The following XYLB variants were observed in gnomAD, a reference collection of about 807,000 sequenced individuals.
XYLB encodes xylulokinase.
A neutral mutation model predicts 78.7 loss-of-function variants in XYLB; 62 were observed. The observed-to-expected ratio is 0.79, with a 90% CI of 0.64 to 0.97. XYLB has a LOEUF of 0.97. XYLB is among the 50% of genes least tolerant of loss of function. The probability of loss-of-function intolerance (pLI) is 0.00; values close to 1 mark genes in which losing one functional copy is unlikely to be tolerated. For synonymous variants in XYLB, 245 were observed against 247.4 expected (o/e 0.99, Z 0.09); for missense variants, 687 against 676.8 (o/e 1.02, Z -0.17).
intron 17 of XYLB, among the ~76,000 whole-genome samples, chr3:38,400,226 G>A (rs1708066332): frequency 6.6e-6 from 1 of 152,170 alleles, no homozygotes; most frequent in Non-Finnish European, 1.5e-5. Flanking sequence ...TAGGCACCAT[G>A]GTTATAGTGG....
chr3:38,418,867 A>C (rs1196945684), downstream of XYLB, among the ~76,000 whole-genome samples: 2 of 152,180 alleles, frequency 1.3e-5, no homozygotes, highest in Non-Finnish European at 2.9e-5. Flanking sequence ...TCATTTTTTC[A>C]ATTGTTTTTG....
chr3:38,440,578 G>C, the XYLB span, among the ~76,000 whole-genome samples: 2 of 152,164 alleles, frequency 1.3e-5, no homozygotes, highest in African/African-American at 2.4e-5. Context: ...TTAAGCTTTA[G>C]ATCTCCTGTC....
chr3:38,346,808 G>T lies in XYLB; in HGVS notation c.-61G>T. ...GCGTCTCTGGGCGCTGGAGCGCGGC[G>T]ACTATCACGCCGCGTGGCGGACGGA... On this transcript the variant is annotated 5_prime_UTR_variant, in exon 1 of 19. Transcript: ENST00000207870. 6.9e-7 allele frequency: 1 copy of T among 1,444,246 alleles called. No individual in the cohort carries two copies. The highest frequency in any genetic ancestry group is 9.2e-7 in the Non-Finnish European group (1 of 1,092,502). The allele number at this position is 1,444,246 out of a possible 1,614,324, so 89.5% of individuals were successfully genotyped here. A position where few individuals can be genotyped will look rare whatever the true frequency, so the allele number is the denominator to read the frequency against.
chr3:38,395,419 C>A, intron 15 of XYLB, 86 bp from the exon 16 acceptor site: 1 of 1,260,662 alleles, frequency 7.9e-7, no homozygotes, highest in Non-Finnish European at 1.1e-6. Flanking sequence ...CATGAGCCCT[C>A]TGTAGCTGAA....
intron 2 of XYLB, chr3:38,356,128 G>T: frequency 5.3e-6 from 1 of 189,778 alleles, no homozygotes; most frequent in Admixed American, 5.6e-5. Flanking sequence ...CCGGGCGCCT[G>T]TAGTCCCAGC....
At chr3:38,372,313 T>C (rs567351414) in intron 9 of XYLB, 3 of 860,378 alleles carry the variant, frequency 3.5e-6, no homozygotes, top group East Asian at 1.2e-4. Flanking sequence ...CCTGTTACCT[T>C]TTTTTTTTTA....
the XYLB span, among the ~76,000 whole-genome samples, chr3:38,447,366 C>T: frequency 5.9e-5 from 9 of 152,196 alleles, no homozygotes; most frequent in East Asian, 1.2e-3. Context: ...TGCAGTGTCA[C>T]GATCATGGCT....
rs1490563673 is a variant in XYLB, at chr3:38,374,426, C to T, written c.848-36C>T. ...GGTTTGCTTTGTGGTTCCCATGTGG[C>T]CGCCAGCTAACCAGAAGCTCCCCTC... is the stretch of plus-strand genomic sequence containing the variant. On this transcript the variant is annotated intron_variant, in intron 10 of 18. Coordinates refer to ENST00000207870, the MANE Select transcript of XYLB (RefSeq NM_005108.4). The T allele has an allele frequency of 1.9e-6, 3 of 1,613,818 alleles. No homozygotes were observed. The African/African-American group carries it at 4.0e-5, about 22-fold the overall frequency.
chr3:38,387,096 T>C (rs77897763), intron 15 of XYLB, among the ~76,000 whole-genome samples: 3,536 of 152,316 alleles, frequency 0.023, 147 homozygotes, highest in African/African-American at 0.08. Flanking sequence ...GATTATGATA[T>C]ACCTAAGTAA....
chr3:38,368,126 A>G, intron 7 of XYLB, 59 bp from the exon 8 acceptor site: 3 of 1,536,964 alleles, frequency 2.0e-6, no homozygotes, highest in Non-Finnish European at 2.7e-6. Context: ...TGTCAGAAGC[A>G]TTCAGTAGCG....
downstream of XYLB, among the ~76,000 whole-genome samples, chr3:38,422,524 C>G (rs575291807): frequency 1.3e-5 from 2 of 152,346 alleles, no homozygotes; most frequent in East Asian, 3.9e-4. Flanking sequence ...CTCTACAGCA[C>G]TGGCCGTCTG....
At chr3:38,406,531 A>T (rs1195209401) in intron 18 of XYLB, among the ~76,000 whole-genome samples, 1 of 152,248 alleles carries the variant, frequency 6.6e-6, no homozygotes, top group Non-Finnish European at 1.5e-5. Context: ...ACAAAGCTGG[A>T]TGGAGAATGA....
intron 15 of XYLB, 30 bp downstream of exon 15, chr3:38,379,372 G>A (rs374865442): frequency 8.4e-5 from 136 of 1,610,582 alleles, no homozygotes; most frequent in Non-Finnish European, 1.1e-4. Flanking sequence ...CATGTGTCCC[G>A]GGGTGGGGGC....
the XYLB span, among the ~76,000 whole-genome samples, chr3:38,427,655 A>G: frequency 2.0e-5 from 3 of 151,754 alleles, no homozygotes; most frequent in African/African-American, 7.3e-5. Context: ...GTGCAGTGGC[A>G]TGGTCTTGGC....
chr3:38,441,995 T>C, the XYLB span, among the ~76,000 whole-genome samples: 1 of 152,180 alleles, frequency 6.6e-6, no homozygotes, highest in African/African-American at 2.4e-5. Flanking sequence ...CCCATTCTAC[T>C]AGATGAGTAT....
the XYLB span, among the ~76,000 whole-genome samples, chr3:38,442,551 A>G: frequency 9.9e-5 from 15 of 152,150 alleles, no homozygotes; most frequent in African/African-American, 3.4e-4. Context: ...GTCCAGAACC[A>G]TGAACCATTC....
chr3:38,404,104 C>T (rs1394170671), intron 18 of XYLB, among the ~76,000 whole-genome samples: 3 of 152,196 alleles, frequency 2.0e-5, no homozygotes, highest in Admixed American at 6.5e-5. Context: ...CTTAGCTCAG[C>T]TGAACGTTGC....
At chr3:38,389,614 C>T (rs1575512852) in intron 15 of XYLB, among the ~76,000 whole-genome samples, 1 of 151,870 alleles carries the variant, frequency 6.6e-6, no homozygotes, top group Non-Finnish European at 1.5e-5. Context: ...GGCGGCTGGC[C>T]GGGTTTTTTT....
intron 18 of XYLB, among the ~76,000 whole-genome samples, chr3:38,403,161 G>T (rs914367748): frequency 6.6e-6 from 1 of 151,824 alleles, no homozygotes; most frequent in African/African-American, 2.4e-5. Flanking sequence ...AGCTGGGTGG[G>T]TATGTGCCTG....
Sources: allele counts gnomAD v4.1 joint callset (sites outside exome capture counted in the v4.1 genomes callset), GRCh38; gene constraint gnomAD v4.1.1; transcripts MANE v1.5; gene names NCBI Gene and HGNC (gene_info 2026-07-23, HGNC 2026-07-21).